The following PIK3R3 variants were observed in gnomAD, a reference collection of about 807,000 sequenced individuals.
PIK3R3 encodes the protein phosphatidylinositol 3-kinase regulatory subunit gamma.
PIK3R3 carries 64 observed loss-of-function variants against 62.9 expected under a neutral mutation model. The ratio of observed to expected loss-of-function variants is 1.02; its 90% CI spans 0.83 to 1.25. PIK3R3 has a LOEUF of 1.25. PIK3R3 is among the 50% of genes most tolerant of loss of function. PIK3R3 has a pLI of 0.00. For missense variants in PIK3R3, 614 were observed against 561.6 expected (o/e 1.09, Z -0.94); for synonymous variants, 165 against 189.0 (o/e 0.87, Z 1.04).
the PIK3R3 span, among the ~76,000 whole-genome samples, chr1:46,143,498 C>A: frequency 6.6e-6 from 1 of 151,870 alleles, no homozygotes; most frequent in Non-Finnish European, 1.5e-5. Context: ...GGCTGGAGTG[C>A]AGTGGTGTAA....
In PIK3R3 at chr1:46,101,980, C is replaced by CTTTTT. The variant is rs538688681; in HGVS notation, c.107-21235_107-21231dup. Among the ~76,000 whole-genome samples, 252 of 89,940 alleles carry CTTTTT rather than the reference C, an allele frequency of 2.8e-3. 4 individuals carry two copies. The highest frequency in any genetic ancestry group is 3.9e-3 in the East Asian group (11 of 2,842). The allele number at this position is 89,940 out of a possible 152,430, so 59.0% of individuals were successfully genotyped here. A position where few individuals can be genotyped will look rare whatever the true frequency, so the allele number is the denominator to read the frequency against. ...ATGTATCAAAACATTGAATTGTATA[C>CTTTTT]TTTTTTTTTTTTTTTTTTTTTTTTG... On this transcript the variant is annotated intron_variant, in intron 1 of 9. Coordinates refer to ENST00000262741, the MANE Select transcript of PIK3R3 (RefSeq NM_003629.4).
chr1:46,153,670 G>A, the PIK3R3 span, among the ~76,000 whole-genome samples: 1 of 152,296 alleles, frequency 6.6e-6, no homozygotes, highest in East Asian at 1.9e-4. Context: ...TCGGATGTGG[G>A]AATTGAGGAG....
the PIK3R3 span, among the ~76,000 whole-genome samples, chr1:46,152,301 G>A: frequency 6.6e-4 from 101 of 152,038 alleles, 1 homozygote; most frequent in South Asian, 0.02. Context: ...ACCGCCCACA[G>A]CATCTCAGTA....
At chr1:46,101,252 T>C (rs1206615496) in intron 1 of PIK3R3, among the ~76,000 whole-genome samples, 1 of 151,664 alleles carries the variant, frequency 6.6e-6, no homozygotes, top group Non-Finnish European at 1.5e-5. Context: ...TCCCAGCACT[T>C]TGGGAGGCTG....
At chr1:46,142,893 G>T in the PIK3R3 span, among the ~76,000 whole-genome samples, 1 of 152,108 alleles carries the variant, frequency 6.6e-6, no homozygotes, top group African/African-American at 2.4e-5. Flanking sequence ...GTTGTGATGA[G>T]ATTTGCATTT....
chr1:46,121,613 G>C (rs1166967016), intron 1 of PIK3R3, among the ~76,000 whole-genome samples: 1 of 151,464 alleles, frequency 6.6e-6, no homozygotes. Context: ...TGGGCAACCT[G>C]GAAAGACTCT....
intron 1 of PIK3R3, among the ~76,000 whole-genome samples, chr1:46,110,111 CTT>C (rs113064603): frequency 6.8e-6 from 1 of 146,932 alleles, no homozygotes; most frequent in Middle Eastern, 3.5e-3. Context: ...GCCTCATCCA[CTT>C]TTTTTTTTTT....
chr1:46,097,078 C>T (rs1652207544), intron 1 of PIK3R3, among the ~76,000 whole-genome samples: 1 of 151,530 alleles, frequency 6.6e-6, no homozygotes, highest in African/African-American at 2.4e-5. Flanking sequence ...AGCAAACCAA[C>T]TCCAGCAACA....
At chr1:46,047,547 G>T (rs574820919) in intron 7 of PIK3R3, among the ~76,000 whole-genome samples, 1 of 152,158 alleles carries the variant, frequency 6.6e-6, no homozygotes, top group East Asian at 1.9e-4. Flanking sequence ...GTTCCTTTCA[G>T]ATGGCCAATA....
chr1:46,089,441 T>C (rs1003808871), intron 1 of PIK3R3, among the ~76,000 whole-genome samples: 7 of 151,916 alleles, frequency 4.6e-5, no homozygotes, highest in African/African-American at 9.7e-5. Context: ...TGAGGCCAGG[T>C]GTGGTGGCTC....
At chr1:46,045,624 T>TG (rs1228162950) in intron 9 of PIK3R3, among the ~76,000 whole-genome samples, 2 of 124,880 alleles carry the variant, frequency 1.6e-5, no homozygotes, top group Non-Finnish European at 3.4e-5. Flanking sequence ...GTGCTTTTTT[T>TG]TTTTTTTTTT....
chr1:46,109,141 T>C (rs1321987007), intron 1 of PIK3R3, among the ~76,000 whole-genome samples: 4 of 144,494 alleles, frequency 2.8e-5, no homozygotes, highest in African/African-American at 1.0e-4. Context: ...CCAGCCTGGG[T>C]GACAAAGCGA....
chr1:46,056,231 A>G, intron 6 of PIK3R3: 1 of 275,112 alleles, frequency 3.6e-6, no homozygotes, highest in Admixed American at 5.5e-5. Flanking sequence ...TTGTATTTTT[A>G]GTAGAGATGG....
At chr1:46,118,456 G>C (rs1043410977) in intron 1 of PIK3R3, among the ~76,000 whole-genome samples, 1 of 151,852 alleles carries the variant, frequency 6.6e-6, no homozygotes, top group African/African-American at 2.4e-5. Flanking sequence ...CACTTTGATG[G>C]CTTCTCATCT....
rs761582850 is a variant in PIK3R3 at position 46,046,563 on chromosome 1, T to G, written c.1004A>C (p.Glu335Ala). The change falls in exon 8 of 10, where the codon GAG becomes GCG. Residue 335 changes from glutamate (E) to alanine (A), a missense_variant. Transcript: ENST00000262741. ...RLNVWLGIKN[E>A]DADENYFINE... The stretch of plus-strand genomic sequence containing the variant: ...AGAGAGAACTTACTCATCAGCATCC[T>G]CATTCTTAATTCCCAGCCAGACATT... The G allele has an allele frequency of 2.5e-6, 4 of 1,610,770 alleles. No individual in the cohort carries two copies. The highest frequency in any genetic ancestry group is 3.4e-6 in the Non-Finnish European group (4 of 1,176,934).
chr1:46,129,402 T>TTTTTTTTAG (rs201992905), intron 1 of PIK3R3, among the ~76,000 whole-genome samples: 1 of 117,364 alleles, frequency 8.5e-6, no homozygotes, highest in South Asian at 2.7e-4. Context: ...ATTGGGGGAT[T>TTTTTTTTAG]TTATTTATTT....
intron 3 of PIK3R3, among the ~76,000 whole-genome samples, chr1:46,073,748 T>A (rs1482243715): frequency 6.6e-6 from 1 of 151,344 alleles, no homozygotes; most frequent in East Asian, 1.9e-4. Context: ...GCCTCCCAAG[T>A]AGCTGGGACC....
the PIK3R3 span, among the ~76,000 whole-genome samples, chr1:46,173,699 G>A: frequency 6.6e-6 from 1 of 152,172 alleles, no homozygotes; most frequent in African/African-American, 2.4e-5. Context: ...CCTGAAGGGG[G>A]AGGGGCAGTG....
At chr1:46,157,162 C>T in the PIK3R3 span, among the ~76,000 whole-genome samples, 2 of 152,226 alleles carry the variant, frequency 1.3e-5, no homozygotes, top group African/African-American at 4.8e-5. Context: ...TAGGCAAGGT[C>T]TGACTCTATC....
Sources: allele counts gnomAD v4.1 joint callset (sites outside exome capture counted in the v4.1 genomes callset), GRCh38; gene constraint gnomAD v4.1.1; transcripts MANE v1.5; gene names NCBI Gene and HGNC (gene_info 2026-07-23, HGNC 2026-07-21).